ATRX: variants seen among roughly 807,000 people sequenced by gnomAD.
ATRX encodes the protein chromatin remodeler ATRX.
Under a neutral mutation model 172.6 loss-of-function variants are expected in ATRX, and 12 were observed. That is an observed-to-expected ratio of 0.07 (90% CI 0.04 to 0.11). The LOEUF (loss-of-function observed/expected upper bound fraction) is 0.11, where lower values mean the gene tolerates loss of function less well. ATRX is among the 10% of genes least tolerant of loss of function. The probability of loss-of-function intolerance (pLI) is 1.00; values close to 1 mark genes in which losing one functional copy is unlikely to be tolerated. For missense variants in ATRX, 1,368 were observed against 1,767.4 expected, an observed-to-expected ratio of 0.77 and a Z score of 4.05; for synonymous variants, 674 against 594.7, an observed-to-expected ratio of 1.13 and a Z score of -1.94.
In ATRX at chrX:77,599,470, C is replaced by T. The variant is rs1557085802; in HGVS notation, c.5897G>A (p.Gly1966Asp). ...KVWNSRSRGG[G>D]EGNVDETGNN... ...TCCTGTTTCATCCACATTTCCTTCACCACCTCCCCGAGATCTTGAATTCCA... is the reference window on the plus strand; with the variant it reads ...TCCTGTTTCATCCACATTTCCTTCATCACCTCCCCGAGATCTTGAATTCCA... The change falls in exon 25 of 35, where the codon GGT becomes GAT. Residue 1966 changes from glycine to aspartate, a missense_variant. Gly to Asp is a moderately conservative substitution (Grantham distance 94). Transcript: ENST00000373344. 8.3e-7 allele frequency: 1 copy of T among 1,208,423 alleles called. No homozygotes were observed. Among genetic ancestry groups the T allele is most frequent in the Non-Finnish European group, 1.1e-6 (1 of 894,662 alleles).
chrX:77,762,357 T>A (rs1430084672), intron 1 of ATRX, among the ~76,000 whole-genome samples: 1 of 109,384 alleles, frequency 9.1e-6, no homozygotes, highest in Non-Finnish European at 1.9e-5. Context: ...AGAAGAGATT[T>A]TTTTTAAAGA....
intron 1 of ATRX, among the ~76,000 whole-genome samples, chrX:77,742,747 T>C (rs1203742280): frequency 2.7e-5 from 3 of 111,154 alleles, no homozygotes; most frequent in East Asian, 2.8e-4. Flanking sequence ...GGTGAGTATT[T>C]TTCTGTGGTC....
rs1175159954 is a variant in ATRX at position 77,751,367 on chromosome X, G to C, written c.21-34124C>G. Among the ~76,000 whole-genome samples the C allele has an allele frequency of 4.5e-5, 5 of 112,079 alleles. No individual in the cohort carries two copies. In the Admixed American group the frequency reaches 4.7e-4, roughly 11 times the overall value. ...TGTTCATATCCTTTACCCACTTTTTGATGGAGTTGTTTTCTTCTTGTAATT... is the reference window on the plus strand; with the variant it reads ...TGTTCATATCCTTTACCCACTTTTTCATGGAGTTGTTTTCTTCTTGTAATT... On this transcript the variant is annotated intron_variant, in intron 1 of 34. Coordinates refer to ENST00000373344, the MANE Select transcript of ATRX (RefSeq NM_000489.6).
chrX:77,720,636 A>C (rs782279021), intron 1 of ATRX, among the ~76,000 whole-genome samples: 11 of 111,930 alleles, frequency 9.8e-5, no homozygotes, highest in African/African-American at 3.6e-4. Flanking sequence ...GAAGAAGTCG[A>C]ATCCCTGAAT....
intron 1 of ATRX, among the ~76,000 whole-genome samples, chrX:77,751,027 TC>T (rs2075281871): frequency 8.9e-6 from 1 of 112,066 alleles, no homozygotes; most frequent in Admixed American, 9.5e-5. Context: ...TGATTTATAA[TC>T]CTTTGGGTAT....
chrX:77,774,196 T>A (rs1171550824), intron 1 of ATRX, among the ~76,000 whole-genome samples: 9 of 107,982 alleles, frequency 8.3e-5, no homozygotes, highest in African/African-American at 3.1e-4. Context: ...CACTCCAGCC[T>A]GGGCAACAAG....
Position 77,681,546 on chromosome X carries a change from G to A in ATRX, c.3710C>T (p.Ser1237Leu), listed in dbSNP as rs1557136793. ...KPVTENLVLS[S>L]HTGFCQSSGD... ...TGAAGATTGGCAAAATCCAGTATGT[G>A]AAGACAGCACTAAATTTTCAGTCAC... The change falls in exon 9 of 35, where the codon TCA (serine) becomes TTA (leucine). Residue 1237 changes from serine (S) to leucine (L), a missense_variant. Transcript: ENST00000373344. 1 of 1,208,109 alleles carries A rather than the reference G, an allele frequency of 8.3e-7. No individual in the cohort carries two copies. The highest frequency in any genetic ancestry group is 1.1e-6 in the Non-Finnish European group (1 of 894,493).
intron 34 of ATRX, among the ~76,000 whole-genome samples, chrX:77,519,199 C>G (rs782055279): frequency 1.8e-5 from 2 of 111,505 alleles, no homozygotes; most frequent in African/African-American, 6.5e-5. Flanking sequence ...AAACAATCAA[C>G]AAGGCGAAGA....
Position 77,547,728 on chromosome X carries a change from A to ATAT in ATRX, c.6699+9720_6699+9722dup, listed in dbSNP as rs2064300647. Among the ~76,000 whole-genome samples the ATAT allele has an allele frequency of 8.1e-5, 9 of 111,787 alleles. No individual in the cohort carries two copies. In the South Asian group the frequency reaches 3.4e-3, roughly 42 times the overall value. On this transcript the variant is annotated intron_variant, in intron 30 of 34. Transcript: ENST00000373344. ...TATTGAAAGTGAAGATCAATATCTA[A>ATAT]TATATTCCTTCCTGATTACAACTGA...
At chrX:77,645,863 T>C (rs1423073351) in intron 15 of ATRX, among the ~76,000 whole-genome samples, 1 of 112,176 alleles carries the variant, frequency 8.9e-6, no homozygotes, top group Admixed American at 9.5e-5. Flanking sequence ...AATTTTTGTA[T>C]GCAACTGAAG....
At chrX:77,628,119 G>C (rs2067953955) in intron 19 of ATRX, among the ~76,000 whole-genome samples, 1 of 112,284 alleles carries the variant, frequency 8.9e-6, no homozygotes, top group Admixed American at 9.4e-5. Context: ...ATTCAAGCCT[G>C]ACTAAAAGAG....
At chrX:77,569,940 T>C (rs782461649) in intron 28 of ATRX, among the ~76,000 whole-genome samples, 1 of 111,982 alleles carries the variant, frequency 8.9e-6, no homozygotes, top group South Asian at 3.7e-4. Context: ...CTAAAATTCA[T>C]ATAAAAATAG....
chrX:77,727,245 G>A (rs141327516), intron 1 of ATRX, among the ~76,000 whole-genome samples: 27 of 111,711 alleles, frequency 2.4e-4, no homozygotes, highest in African/African-American at 7.8e-4. Context: ...GGATAAATTC[G>A]TTCAACCATT....
At chrX:77,758,877 A>G (rs1441208699) in intron 1 of ATRX, among the ~76,000 whole-genome samples, 1 of 112,390 alleles carries the variant, frequency 8.9e-6, no homozygotes, top group Non-Finnish European at 1.9e-5. Context: ...ATTCTTCTAA[A>G]ACATCATTTT....
At chrX:77,756,256 A>C (rs2148893534) in intron 1 of ATRX, among the ~76,000 whole-genome samples, 1 of 111,200 alleles carries the variant, frequency 9.0e-6, no homozygotes, top group African/African-American at 3.3e-5. Context: ...TGAGAATTTC[A>C]AGCCAGTGGT....
intron 19 of ATRX, among the ~76,000 whole-genome samples, chrX:77,624,283 C>T (rs1402731086): frequency 6.3e-5 from 7 of 111,110 alleles, no homozygotes; most frequent in African/African-American, 9.8e-5. Context: ...AGGAGAATGG[C>T]GTGAACCCGG....
At chrX:77,509,191 T>A (rs1557035271) in intron 34 of ATRX, among the ~76,000 whole-genome samples, 1 of 112,048 alleles carries the variant, frequency 8.9e-6, no homozygotes, top group African/African-American at 3.2e-5. Context: ...AACGACTGTG[T>A]TGGGAAACAT....
At chrX:77,541,786 C>A (rs1232500159) in intron 30 of ATRX, among the ~76,000 whole-genome samples, 1 of 111,704 alleles carries the variant, frequency 9.0e-6, no homozygotes, top group Non-Finnish European at 1.9e-5. Context: ...GATAAAAATT[C>A]TCAATAAATT....
intron 2 of ATRX, among the ~76,000 whole-genome samples, chrX:77,710,301 TAA>T (rs781803603): frequency 1.1e-4 from 8 of 74,168 alleles, no homozygotes; most frequent in Admixed American, 4.6e-4. Flanking sequence ...TCCATTTCAA[TAA>T]AAAAAAAAAA....
Sources: gnomAD v4.1 joint callset for allele counts (sites outside exome capture counted in the v4.1 genomes callset) on GRCh38, gnomAD v4.1.1 for gene constraint, MANE v1.5 for transcripts, NCBI Gene and HGNC (gene_info 2026-07-23, HGNC 2026-07-21) for gene names.